The following SPOPL variants were observed in gnomAD, a reference collection of about 807,000 sequenced individuals.
SPOPL encodes the protein speckle type BTB/POZ protein like.
Under a neutral mutation model 53.8 loss-of-function variants are expected in SPOPL, and 23 were observed. That is an observed-to-expected ratio of 0.43 (90% CI 0.31 to 0.61). SPOPL has a LOEUF of 0.61. Among genes scored for constraint, SPOPL ranks in the 20% least tolerant of loss-of-function variants. The probability of loss-of-function intolerance (pLI) is 0.12; values close to 1 mark genes in which losing one functional copy is unlikely to be tolerated. For missense variants in SPOPL, 442 were observed against 466.9 expected (o/e 0.95, Z 0.49); for synonymous variants, 164 against 149.7 (o/e 1.10, Z -0.70).
At chr2:138,552,456 C>G (rs1573901550) in intron 4 of SPOPL, 98 bp from the exon 5 acceptor site, 3 of 1,384,652 alleles carry the variant, frequency 2.2e-6, no homozygotes, top group Non-Finnish European at 2.9e-6. Flanking sequence ...GATGTATTGA[C>G]AAGTCCTGTT....
intron 1 of SPOPL, among the ~76,000 whole-genome samples, chr2:138,538,282 A>G (rs781241107): frequency 6.6e-6 from 1 of 152,126 alleles, no homozygotes; most frequent in Admixed American, 6.6e-5. Context: ...CGTTCTCTGC[A>G]TCATTGAATG....
chr2:138,522,589 A>T (rs1230461429), intron 1 of SPOPL, among the ~76,000 whole-genome samples: 4 of 152,078 alleles, frequency 2.6e-5, no homozygotes, highest in Non-Finnish European at 4.4e-5. Flanking sequence ...AGAAGAAGGA[A>T]TATTTTTTCC....
intron 1 of SPOPL, among the ~76,000 whole-genome samples, chr2:138,539,018 C>T (rs1481231207): frequency 3.3e-5 from 5 of 152,024 alleles, no homozygotes; most frequent in African/African-American, 9.7e-5. Context: ...TTTGTCCTTG[C>T]GATAGTTTGC....
intron 1 of SPOPL, among the ~76,000 whole-genome samples, chr2:138,512,193 T>A (rs1004976883): frequency 6.6e-6 from 1 of 152,164 alleles, no homozygotes; most frequent in Non-Finnish European, 1.5e-5. Flanking sequence ...CATTAAAATA[T>A]TGATTTGTCT....
chr2:138,550,263 G>A lies in SPOPL; in HGVS notation c.47G>A (p.Gly16Asp), dbSNP rs1685285177. The A allele has an allele frequency of 6.2e-6, 10 of 1,613,428 alleles. No homozygotes were observed. Among genetic ancestry groups the A allele is most frequent in the Admixed American group, 1.7e-5 (1 of 59,928 alleles). ...CCTCTACCTGGAGATATGTCTACTG[G>A]TCCCATAGCAGAAAGCTGGTGTTAC... is the stretch of plus-strand genomic sequence containing the variant. ...TPPLPGDMST[G>D]PIAESWCYTQ... The change falls in exon 2 of 11, where the codon GGT (glycine) becomes GAT (aspartate). Residue 16 changes from glycine (G) to aspartate (D), a missense_variant. Coordinates refer to ENST00000280098, the MANE Select transcript of SPOPL (RefSeq NM_001001664.3).
Position 138,569,105 on chromosome 2 carries a change from T to C in SPOPL, c.*25T>C, listed in dbSNP as rs370912733. 98 of 1,605,750 alleles carry C rather than the reference T, an allele frequency of 6.1e-5. No homozygotes were observed. Among genetic ancestry groups the C allele is most frequent in the Non-Finnish European group, 7.9e-5 (93 of 1,176,388 alleles). ...AAATCTTCCATGAACAGTTGAAAAA[T>C]GGAATTGACTTTCACTCCTCCAGGT... On this transcript the variant is annotated 3_prime_UTR_variant, in exon 11 of 11. Transcript: ENST00000280098.
rs979531812 is a variant in SPOPL at position 138,502,091 on chromosome 2, G to A, written c.-89G>A. The A allele has an allele frequency of 6.6e-6, 1 of 152,468 alleles. No homozygotes were observed. The highest frequency in any genetic ancestry group is 1.9e-4 in the East Asian group (1 of 5,174). The allele number at this position is 152,468 out of a possible 1,614,324, so 9.4% of individuals were successfully genotyped here. ...TCAGCGGGAGAGGAGTCTCCACCAGGACTGACCGCTGCCGCCCAGCACGTC... is the reference window on the plus strand; with the variant it reads ...TCAGCGGGAGAGGAGTCTCCACCAGAACTGACCGCTGCCGCCCAGCACGTC... On this transcript the variant is annotated 5_prime_UTR_variant, in exon 1 of 11. Transcript: ENST00000280098.
intron 5 of SPOPL, among the ~76,000 whole-genome samples, chr2:138,555,169 T>A (rs964941806): frequency 4.2e-5 from 6 of 143,218 alleles, no homozygotes; most frequent in Non-Finnish European, 7.5e-5. Flanking sequence ...TGTGTGTGTG[T>A]GCGAGCCAGA....
intron 1 of SPOPL, among the ~76,000 whole-genome samples, chr2:138,510,972 T>C (rs1684311865): frequency 6.6e-6 from 1 of 152,182 alleles, no homozygotes; most frequent in Admixed American, 6.5e-5. Context: ...ACTAACTGTT[T>C]AGGAATTAAG....
At position 138,571,824 on chromosome 2, in the gene SPOPL, A is replaced by G. The variant is rs1299900346; in HGVS notation, c.*2744A>G. 6.6e-6 allele frequency: 1 copy of G among 152,650 alleles called. No individual in the cohort carries two copies. Among genetic ancestry groups the G allele is most frequent in the Non-Finnish European group, 1.5e-5 (1 of 68,034 alleles). 9.5% of individuals were successfully genotyped at this position (152,650 alleles called of 1,614,324 possible). ...TCATTGGGTAACTGTTGTTTAGACCAACACTTAGAAATACTATATTTGTGC... is the reference window on the plus strand; with the variant it reads ...TCATTGGGTAACTGTTGTTTAGACCGACACTTAGAAATACTATATTTGTGC... On this transcript the variant is annotated 3_prime_UTR_variant, in exon 11 of 11. Transcript: ENST00000280098.
intron 1 of SPOPL, among the ~76,000 whole-genome samples, chr2:138,543,779 G>A (rs978024858): frequency 7.2e-5 from 11 of 152,308 alleles, no homozygotes; most frequent in African/African-American, 2.6e-4. Flanking sequence ...TGCTAGTGAG[G>A]AGCTGCGTTC....
intron 1 of SPOPL, among the ~76,000 whole-genome samples, chr2:138,518,660 G>C (rs570484853): frequency 6.6e-6 from 1 of 152,118 alleles, no homozygotes; most frequent in Non-Finnish European, 1.5e-5. Context: ...ATTCCTAACG[G>C]ACATGTTAGA....
At chr2:138,522,687 C>G (rs1379498315) in intron 1 of SPOPL, among the ~76,000 whole-genome samples, 1 of 152,140 alleles carries the variant, frequency 6.6e-6, no homozygotes, top group Non-Finnish European at 1.5e-5. Flanking sequence ...CCTGCACATT[C>G]TTTTCTATAG....
intron 1 of SPOPL, among the ~76,000 whole-genome samples, chr2:138,548,867 T>C (rs1485727399): frequency 6.6e-6 from 1 of 152,152 alleles, no homozygotes; most frequent in Non-Finnish European, 1.5e-5. Context: ...CATTACTCTT[T>C]CAGTACATTT....
chr2:138,532,030 A>C (rs775766237), intron 1 of SPOPL, among the ~76,000 whole-genome samples: 1 of 152,220 alleles, frequency 6.6e-6, no homozygotes, highest in Non-Finnish European at 1.5e-5. Flanking sequence ...GTCTTCATAC[A>C]GTCTAGTTTT....
intron 1 of SPOPL, among the ~76,000 whole-genome samples, chr2:138,536,162 T>A (rs147260722): frequency 6.6e-6 from 1 of 152,180 alleles, no homozygotes; most frequent in Admixed American, 6.5e-5. Context: ...TCTGTTTTTT[T>A]CCCCAGCATA....
Position 138,569,246 on chromosome 2 carries a change from T to A in SPOPL, c.*166T>A. 1 of 722,306 alleles carries A rather than the reference T, an allele frequency of 1.4e-6. No homozygotes were observed. The highest frequency in any genetic ancestry group is 2.3e-6 in the Non-Finnish European group (1 of 438,882). The allele number at this position is 722,306 out of a possible 1,614,324, so 44.7% of individuals were successfully genotyped here. On this transcript the variant is annotated 3_prime_UTR_variant, in exon 11 of 11. Coordinates refer to ENST00000280098, the MANE Select transcript of SPOPL (RefSeq NM_001001664.3). Reference sequence around the variant, plus strand: ...TTTCAGGTGGATAATTTATGGTTTATTCTTCAGCTTTAAATTAGACTGATT... The same window carrying A: ...TTTCAGGTGGATAATTTATGGTTTAATCTTCAGCTTTAAATTAGACTGATT...
chr2:138,514,455 T>C (rs1056420000), intron 1 of SPOPL, among the ~76,000 whole-genome samples: 1 of 152,208 alleles, frequency 6.6e-6, no homozygotes, highest in African/African-American at 2.4e-5. Flanking sequence ...GCTTGACTTT[T>C]CCCTTTAGCT....
intron 1 of SPOPL, among the ~76,000 whole-genome samples, chr2:138,509,074 A>G (rs563288549): frequency 6.6e-6 from 1 of 152,298 alleles, no homozygotes; most frequent in Non-Finnish European, 1.5e-5. Flanking sequence ...CTAGCAGATT[A>G]AAATGATTTT....
Sources: gnomAD v4.1 joint callset for allele counts (sites outside exome capture counted in the v4.1 genomes callset) on GRCh38, gnomAD v4.1.1 for gene constraint, MANE v1.5 for transcripts, NCBI Gene and HGNC (gene_info 2026-07-23, HGNC 2026-07-21) for gene names.